The following CHAC1 variants were observed in gnomAD, a reference collection of about 807,000 sequenced individuals.
The protein encoded by CHAC1 is ChaC glutathione specific gamma-glutamylcyclotransferase 1.
Under a neutral mutation model 22.1 loss-of-function variants are expected in CHAC1, and 22 were observed. The observed-to-expected ratio is 1.00, with a 90% CI of 0.71 to 1.42. The LOEUF (loss-of-function observed/expected upper bound fraction) is 1.42, where lower values mean the gene tolerates loss of function less well. Ranked by LOEUF, CHAC1 falls within the 40% of genes most tolerant of loss-of-function variation. CHAC1 has a pLI of 0.00. For missense variants in CHAC1, 272 were observed against 299.2 expected, an observed-to-expected ratio of 0.91 and a Z score of 0.67; for synonymous variants, 145 against 128.7, an observed-to-expected ratio of 1.13 and a Z score of -0.86.
At chr15:40,954,289 A>C (rs749380376) in intron 2 of CHAC1, 26 bp downstream of exon 2, 3 of 1,613,280 alleles carry the variant, frequency 1.9e-6, no homozygotes, top group Non-Finnish European at 1.7e-6. Context: ...ATGAAGGGGA[A>C]CCCTGGCCCA....
At chr15:40,954,702 C>A (rs1034544615) in intron 2 of CHAC1, among the ~76,000 whole-genome samples, 2 of 152,136 alleles carry the variant, frequency 1.3e-5, no homozygotes, top group Non-Finnish European at 2.9e-5. Context: ...CTTCCAGATT[C>A]AAGCGATTCT....
intron 2 of CHAC1, among the ~76,000 whole-genome samples, chr15:40,954,543 G>A (rs771147791): frequency 2.6e-5 from 4 of 151,772 alleles, no homozygotes; most frequent in Non-Finnish European, 5.9e-5. Context: ...GAGGAATCCT[G>A]TCTTCCCTGG....
At chr15:40,954,182 G>A in intron 1 of CHAC1, 46 bp from the exon 2 acceptor site, 1 of 1,605,514 alleles carries the variant, frequency 6.2e-7, no homozygotes, top group East Asian at 2.2e-5. Flanking sequence ...TGATGGCAGA[G>A]CTGATTTCTA....
chr15:40,955,453 AGTGC>A lies in CHAC1; in HGVS notation c.349_352del (p.Val117LeufsTer21), dbSNP rs1893219364. ...TGAAGTACCTGAATGTGCGAGAGGC[AGTGC>A]TTGGTGGCTACGATACCAAGGAGGT... is the stretch of plus-strand genomic sequence containing the variant. On this transcript the variant is annotated frameshift_variant, in exon 3 of 3. Transcript: ENST00000617768. LOFTEE classifies it high-confidence loss of function. 1 of 1,614,028 alleles carries A rather than the reference AGTGC, an allele frequency of 6.2e-7. No individual in the cohort carries two copies. Among genetic ancestry groups the A allele is most frequent in the Non-Finnish European group, 8.5e-7 (1 of 1,180,002 alleles).
At position 40,955,926 on chromosome 15, in the gene CHAC1, G is replaced by T. The variant is rs1893236840; in HGVS notation, c.*152G>T. 2.7e-6 allele frequency: 2 copies of T among 737,996 alleles called. No individual in the cohort carries two copies. Among genetic ancestry groups the T allele is most frequent in the Non-Finnish European group, 4.3e-6 (2 of 464,818 alleles). 45.7% of individuals were successfully genotyped at this position (737,996 alleles called of 1,614,324 possible). On this transcript the variant is annotated 3_prime_UTR_variant, in exon 3 of 3. Transcript: ENST00000617768. The stretch of plus-strand genomic sequence containing the variant: ...TTTCTCAGTCCCTGCCTGTCTGCCA[G>T]CCTGCAGCTCTCCTGCTTGACACTG...
chr15:40,955,517 C>G lies in CHAC1; in HGVS notation c.412C>G (p.Leu138Val), dbSNP rs780556428. 1 of 1,614,086 alleles carries G rather than the reference C, an allele frequency of 6.2e-7. No homozygotes were observed. Among genetic ancestry groups the G allele is most frequent in the Non-Finnish European group, 8.5e-7 (1 of 1,180,050 alleles). ...FYPQDAPDQPLKALAYVATPQ... is the reference protein window; with the variant it reads ...FYPQDAPDQPVKALAYVATPQ... Reference sequence around the variant, plus strand: ...TCCCCAAGATGCTCCTGACCAACCACTGAAGGCATTGGCCTATGTGGCCAC... The same window carrying G: ...TCCCCAAGATGCTCCTGACCAACCAGTGAAGGCATTGGCCTATGTGGCCAC... Residue 138 changes from leucine to valine, a missense_variant, in exon 3 of 3, where the codon CTG becomes GTG. Coordinates refer to ENST00000617768, the MANE Select transcript of CHAC1 (RefSeq NM_024111.6).
chr15:40,956,114 TC>T lies in CHAC1; in HGVS notation c.*344del. Reference sequence around the variant, plus strand: ...ACCCCACACCACCCAGGCCTCCACCTCCCCAGGGAGTCTCCAAGAGCCTCGA... The same window carrying T: ...ACCCCACACCACCCAGGCCTCCACCTCCCAGGGAGTCTCCAAGAGCCTCGA... On this transcript the variant is annotated 3_prime_UTR_variant, in exon 3 of 3. Transcript: ENST00000617768. 1 of 250,054 alleles carries T rather than the reference TC, an allele frequency of 4.0e-6. No homozygotes were observed. Among genetic ancestry groups the T allele is most frequent in the East Asian group, 8.0e-5 (1 of 12,474 alleles). 15.5% of individuals were successfully genotyped at this position (250,054 alleles called of 1,614,324 possible).
At position 40,953,482 on chromosome 15, in the gene CHAC1, C is replaced by A. The variant is rs752794857; in HGVS notation, c.-102C>A. The A allele has an allele frequency of 6.6e-6, 10 of 1,516,088 alleles. No individual in the cohort carries two copies. The South Asian group carries it at 1.2e-4, about 19-fold the overall frequency. The allele number at this position is 1,516,088 out of a possible 1,614,324, so 93.9% of individuals were successfully genotyped here. A position where few individuals can be genotyped will look rare whatever the true frequency, so the allele number is the denominator to read the frequency against. On this transcript the variant is annotated 5_prime_UTR_variant, in exon 1 of 3. Coordinates refer to ENST00000617768, the MANE Select transcript of CHAC1 (RefSeq NM_024111.6). Reference sequence around the variant, plus strand: ...CATGGGGGGCGCTCAGCTGGAGCTACCGAGCGGTGCCAGGCCAGGTGTGTG... The same window carrying A: ...CATGGGGGGCGCTCAGCTGGAGCTAACGAGCGGTGCCAGGCCAGGTGTGTG...
At chr15:40,953,908 A>G (rs1024091778) in intron 1 of CHAC1, 94 bp downstream of exon 1, 3 of 959,572 alleles carry the variant, frequency 3.1e-6, no homozygotes, top group Non-Finnish European at 4.6e-6. Flanking sequence ...CTGGGCCAAT[A>G]GAAAGAAATG....
In CHAC1 at chr15:40,955,483, C is replaced by T. The variant is rs1332115718; in HGVS notation, c.378C>T (p.Val126=). ...TTGGTGGCTACGATACCAAGGAGGTCACCTTCTATCCCCAAGATGCTCCTG... is the reference window on the plus strand; with the variant it reads ...TTGGTGGCTACGATACCAAGGAGGTTACCTTCTATCCCCAAGATGCTCCTG... The part of the protein sequence containing the change: ...AVLGGYDTKE[V]TFYPQDAPDQ... Residue 126 remains valine (V), a synonymous_variant, in exon 3 of 3, where the codon GTC becomes GTT. Transcript: ENST00000617768. 7 of 1,614,200 alleles carry T rather than the reference C, an allele frequency of 4.3e-6. No individual in the cohort carries two copies. Among genetic ancestry groups the T allele is most frequent in the Non-Finnish European group, 5.9e-6 (7 of 1,180,024 alleles).
At position 40,955,732 on chromosome 15, in the gene CHAC1, GC is replaced by G; in HGVS notation, c.630del (p.Cys211AlafsTer70). The G allele has an allele frequency of 6.2e-7, 1 of 1,602,824 alleles. No individual in the cohort carries two copies. The highest frequency in any genetic ancestry group is 8.5e-7 in the Non-Finnish European group (1 of 1,179,472). ...TCGTGGACGCTGTGGGCACCATGTT[GC>G]CCTGCTTCTGCCCCACCGAGCAGGC... The part of the protein sequence containing the change: ...AIVDAVGTML[P>X]CFCPTEQALA... On this transcript the variant is annotated frameshift_variant, in exon 3 of 3. Coordinates refer to ENST00000617768, the MANE Select transcript of CHAC1 (RefSeq NM_024111.6). LOFTEE classifies it high-confidence loss of function.
At chr15:40,954,375 G>C (rs1596207849) in intron 2 of CHAC1, 112 bp downstream of exon 2, 2 of 1,084,956 alleles carry the variant, frequency 1.8e-6, no homozygotes, top group East Asian at 4.7e-5. Context: ...TTCTCTGGCA[G>C]AGTAGAAACG....
At chr15:40,953,964 C>A in intron 1 of CHAC1, 150 bp downstream of exon 1, 1 of 707,196 alleles carries the variant, frequency 1.4e-6, no homozygotes, top group Non-Finnish European at 2.3e-6. Flanking sequence ...ATGTATGTGC[C>A]CAGTGCATCA....
rs780230595 is a variant in CHAC1, at chr15:40,955,594, G to A, written c.489G>A (p.Thr163=). The change falls in exon 3 of 3, where the codon ACG becomes ACA. Residue 163 remains threonine (T), a synonymous_variant. Coordinates refer to ENST00000617768, the MANE Select transcript of CHAC1 (RefSeq NM_024111.6). ...LGPAPEEAIA[T]QILACRGFSG... ...CTGCGCCTGAAGAGGCCATTGCCAC[G>A]CAGATCCTGGCCTGCCGGGGCTTCT... The A allele has an allele frequency of 3.0e-5, 48 of 1,613,896 alleles. No homozygotes were observed. Among genetic ancestry groups the A allele is most frequent in the East Asian group, 6.7e-5 (3 of 44,892 alleles).
chr15:40,954,221 T>A lies in CHAC1; in HGVS notation c.232-7T>A. On this transcript the variant is annotated splice_region_variant and splice_polypyrimidine_tract_variant and intron_variant, in intron 1 of 2. Transcript: ENST00000617768. ...TGTCTATTTCAAAATATTTCTTCCCTCCCTAGCCTGGCCGTGTGGTGACGC... is the reference window on the plus strand; with the variant it reads ...TGTCTATTTCAAAATATTTCTTCCCACCCTAGCCTGGCCGTGTGGTGACGC... 1 of 1,613,934 alleles carries A rather than the reference T, an allele frequency of 6.2e-7. No individual in the cohort carries two copies. Among genetic ancestry groups the A allele is most frequent in the Non-Finnish European group, 8.5e-7 (1 of 1,179,924 alleles).
rs1012923707 is a variant in CHAC1, at chr15:40,955,999, C to T, written c.*225C>T. 8.9e-6 allele frequency: 5 copies of T among 562,888 alleles called. No homozygotes were observed. The highest frequency in any genetic ancestry group is 1.2e-5 in the Non-Finnish European group (4 of 321,186). 34.9% of individuals were successfully genotyped at this position (562,888 alleles called of 1,614,324 possible). A position where few individuals can be genotyped will look rare whatever the true frequency, so the allele number is the denominator to read the frequency against. On this transcript the variant is annotated 3_prime_UTR_variant, in exon 3 of 3. Transcript: ENST00000617768. ...TATTGCACCATGTTGGTGTGGTGGG[C>T]AGGTGGAGGGCCTGCCCTGGACACA... is the stretch of plus-strand genomic sequence containing the variant.
Position 40,953,718 on chromosome 15 carries a change from C to A in CHAC1, c.135C>A (p.Pro45=), listed in dbSNP as rs758260513. The A allele has an allele frequency of 6.2e-7, 1 of 1,605,078 alleles. No individual in the cohort carries two copies. Among genetic ancestry groups the A allele is most frequent in the Non-Finnish European group, 8.5e-7 (1 of 1,179,956 alleles). The part of the protein sequence containing the change: ...IFGYGSLVWR[P]DFAYSDSRVG... Reference sequence around the variant, plus strand: ...GGTACGGCTCCCTGGTGTGGAGGCCCGACTTCGCCTACAGCGACAGCCGTG... The same window carrying A: ...GGTACGGCTCCCTGGTGTGGAGGCCAGACTTCGCCTACAGCGACAGCCGTG... Residue 45 remains proline, a synonymous_variant, in exon 1 of 3, where the codon CCC becomes CCA. Transcript: ENST00000617768.
Position 40,953,514 on chromosome 15 carries a change from T to C in CHAC1, c.-70T>C. 1.3e-6 allele frequency: 2 copies of C among 1,599,220 alleles called. No individual in the cohort carries two copies. Among genetic ancestry groups the C allele is most frequent in the Non-Finnish European group, 8.5e-7 (1 of 1,175,750 alleles). On this transcript the variant is annotated 5_prime_UTR_variant, in exon 1 of 3. Coordinates refer to ENST00000617768, the MANE Select transcript of CHAC1 (RefSeq NM_024111.6). Reference sequence around the variant, plus strand: ...GTGCCAGGCCAGGTGTGTGCGTCCGTCGGTCTTTCCGTGCCCACGCCGGAG... The same window carrying C: ...GTGCCAGGCCAGGTGTGTGCGTCCGCCGGTCTTTCCGTGCCCACGCCGGAG...
chr15:40,953,648 A>G lies in CHAC1; in HGVS notation c.65A>G (p.Gln22Arg). Residue 22 changes from glutamine to arginine, a missense_variant, in exon 1 of 3, where the codon CAG (glutamine) becomes CGG (arginine). Transcript: ENST00000617768. ...TCGCAGTCCCCTACGCCGTCCGCTC[A>G]GTTCCCCCGAAACGACGGCGACCCT... Reference protein sequence around the residue: ...PTSQSPTPSAQFPRNDGDPQA... With the variant: ...PTSQSPTPSARFPRNDGDPQA... 1 of 1,609,490 alleles carries G rather than the reference A, an allele frequency of 6.2e-7. No individual in the cohort carries two copies.
Sources: gnomAD v4.1 joint callset for allele counts (sites outside exome capture counted in the v4.1 genomes callset) on GRCh38, gnomAD v4.1.1 for gene constraint, MANE v1.5 for transcripts, NCBI Gene and HGNC (gene_info 2026-07-23, HGNC 2026-07-21) for gene names.